Variants in CAST observed in about 807,000 individuals in gnomAD.
CAST encodes the protein MIR583 host.
Under a neutral mutation model 119.6 loss-of-function variants are expected in CAST, and 76 were observed. The observed-to-expected ratio is 0.64, with a 90% CI of 0.53 to 0.77. The LOEUF is 0.77. Among genes scored for constraint, CAST ranks in the 30% least tolerant of loss-of-function variants. The probability of loss-of-function intolerance (pLI) is 0.00; values close to 1 mark genes in which losing one functional copy is unlikely to be tolerated. For missense variants in CAST, 953 were observed against 946.5 expected (o/e 1.01, Z -0.09); for synonymous variants, 319 against 331.6 (o/e 0.96, Z 0.41).
the CAST span, among the ~76,000 whole-genome samples, chr5:96,065,367 T>C: frequency 3.3e-5 from 5 of 151,808 alleles, no homozygotes; most frequent in African/African-American, 1.2e-4. Context: ...TTTGGGGTCC[T>C]GGAAATTCTT....
the CAST span, among the ~76,000 whole-genome samples, chr5:96,293,091 C>T: frequency 6.6e-6 from 1 of 152,192 alleles, no homozygotes; most frequent in Non-Finnish European, 1.5e-5. Flanking sequence ...TCATGTTGCA[C>T]AATTCCAGTG....
chr5:96,731,436 G>A (rs1760460360), intron 9 of CAST, among the ~76,000 whole-genome samples: 1 of 121,870 alleles, frequency 8.2e-6, no homozygotes, highest in Non-Finnish European at 2.0e-5. Flanking sequence ...TCTACCCATA[G>A]CAATATAGAA....
chr5:96,630,762 G>A (rs1018276917), intron 1 of CAST, among the ~76,000 whole-genome samples: 4 of 151,912 alleles, frequency 2.6e-5, no homozygotes, highest in African/African-American at 9.7e-5. Context: ...CTCCAGCCTG[G>A]GGGACAGAGC....
At chr5:96,354,563 AT>A in the CAST span, among the ~76,000 whole-genome samples, 1 of 151,896 alleles carries the variant, frequency 6.6e-6, no homozygotes, top group African/African-American at 2.4e-5. Flanking sequence ...AAAAAAAAAA[AT>A]GTATGTCTCA....
intron 1 of CAST, among the ~76,000 whole-genome samples, chr5:96,608,138 A>G (rs1235559658): frequency 6.6e-6 from 1 of 152,192 alleles, no homozygotes. Context: ...AGTCTAGTCT[A>G]GTCTCTACAT....
At chr5:95,993,921 T>A in the CAST span, among the ~76,000 whole-genome samples, 1,254 of 152,154 alleles carry the variant, frequency 8.2e-3, 14 homozygotes, top group African/African-American at 0.029. Flanking sequence ...TTTGCATTAA[T>A]TTAAATTAAA....
the CAST span, among the ~76,000 whole-genome samples, chr5:96,460,469 A>G: frequency 1.3e-5 from 2 of 152,204 alleles, no homozygotes; most frequent in South Asian, 4.2e-4. Flanking sequence ...TAGGTGCAGC[A>G]AACCACCATG....
the CAST span, among the ~76,000 whole-genome samples, chr5:96,457,509 C>T: frequency 6.6e-6 from 1 of 152,142 alleles, no homozygotes; most frequent in Non-Finnish European, 1.5e-5. Context: ...TCCTCGTCTC[C>T]TCCCATGTTC....
the CAST span, among the ~76,000 whole-genome samples, chr5:96,479,468 T>TG: frequency 0.25 from 35,452 of 144,304 alleles, 4,857 homozygotes; most frequent in African/African-American, 0.29. Flanking sequence ...TTTTTTTTTT[T>TG]GAGATGGAGT....
At chr5:96,743,550 G>A (rs529862404) in intron 16 of CAST, 26 of 1,559,412 alleles carry the variant, frequency 1.7e-5, no homozygotes, top group Middle Eastern at 2.1e-4. Context: ...GTCACTTCCT[G>A]TTCTGAGTCA....
intron 1 of CAST, among the ~76,000 whole-genome samples, chr5:96,612,064 C>A (rs905576926): frequency 6.6e-6 from 1 of 152,174 alleles, no homozygotes; most frequent in African/African-American, 2.4e-5. Flanking sequence ...AATAGCACTA[C>A]AATTTGACCC....
At chr5:96,132,744 G>A in the CAST span, among the ~76,000 whole-genome samples, 2 of 152,098 alleles carry the variant, frequency 1.3e-5, no homozygotes, top group Non-Finnish European at 1.5e-5. Context: ...CAGACAGAAG[G>A]AAAATTATAT....
At chr5:96,170,379 C>G in the CAST span, among the ~76,000 whole-genome samples, 1 of 152,168 alleles carries the variant, frequency 6.6e-6, no homozygotes, top group Non-Finnish European at 1.5e-5. Context: ...CCCCTGGCAG[C>G]TGTGGTTCAG....
At chr5:96,150,529 G>A in the CAST span, among the ~76,000 whole-genome samples, 1 of 152,156 alleles carries the variant, frequency 6.6e-6, no homozygotes, top group Non-Finnish European at 1.5e-5. Flanking sequence ...GGGGACTTGG[G>A]GACTGACATA....
chr5:96,715,398 T>C (rs2150374012), intron 3 of CAST, among the ~76,000 whole-genome samples: 1 of 152,342 alleles, frequency 6.6e-6, no homozygotes, highest in Middle Eastern at 3.4e-3. Context: ...TTTGTTTTAA[T>C]ATTTGATATG....
chr5:96,139,491 A>T, the CAST span, among the ~76,000 whole-genome samples: 2 of 146,634 alleles, frequency 1.4e-5, no homozygotes, highest in African/African-American at 5.1e-5. Flanking sequence ...ATGTCCTTGT[A>T]ACATATATAT....
chr5:96,410,414 A>G, the CAST span, among the ~76,000 whole-genome samples: 2 of 152,054 alleles, frequency 1.3e-5, no homozygotes, highest in Non-Finnish European at 2.9e-5. Context: ...ATCAGCAAGT[A>G]CAAGGGTGAT....
chr5:96,378,943 T>G, the CAST span, among the ~76,000 whole-genome samples: 3 of 152,188 alleles, frequency 2.0e-5, no homozygotes, highest in African/African-American at 7.2e-5. Flanking sequence ...AAATAGTTAT[T>G]ACAAATAATT....
chr5:96,682,902 G>T (rs372952886), intron 2 of CAST, among the ~76,000 whole-genome samples: 1 of 151,988 alleles, frequency 6.6e-6, no homozygotes, highest in African/African-American at 2.4e-5. Flanking sequence ...CCCCCAAGAA[G>T]GCCACTTTGT....
Sources: allele counts gnomAD v4.1 joint callset (sites outside exome capture counted in the v4.1 genomes callset), GRCh38; gene constraint gnomAD v4.1.1; transcripts MANE v1.5; gene names NCBI Gene and HGNC (gene_info 2026-07-23, HGNC 2026-07-21).